The following CTNNA3 variants were observed in gnomAD, a reference collection of about 807,000 sequenced individuals.
CTNNA3 encodes catenin alpha-3.
Under a neutral mutation model 95.7 loss-of-function variants are expected in CTNNA3, and 76 were observed. The ratio of observed to expected loss-of-function variants is 0.79; its 90% CI spans 0.66 to 0.96. CTNNA3 has a LOEUF of 0.96. CTNNA3 is among the 40% of genes least tolerant of loss of function. The pLI, the probability that CTNNA3 is intolerant of heterozygous loss-of-function variation, is 0.00. For missense variants in CTNNA3, 1,191 were observed against 1,089.8 expected (o/e 1.09, Z -1.31); for synonymous variants, 431 against 374.4 (o/e 1.15, Z -1.74).
intron 5 of CTNNA3, among the ~76,000 whole-genome samples, chr10:67,349,874 T>C (rs531678888): frequency 1.5e-4 from 23 of 152,182 alleles, no homozygotes; most frequent in African/African-American, 5.1e-4. Flanking sequence ...TCAACACTCA[T>C]ACTCAGACAT....
Position 66,129,499 on chromosome 10 carries a change from T to C in CTNNA3, c.1885-26250A>G, listed in dbSNP as rs560633169. ...AGCATGGCCAGGGACACCCATCACC[T>C]TAAGCTCGACTTGCTTCCATAGGAG... On this transcript the variant is annotated intron_variant, in intron 13 of 17. Transcript: ENST00000433211. 2.0e-5 allele frequency among the ~76,000 whole-genome samples: 3 copies of C among 152,276 alleles called. No individual in the cohort carries two copies. The South Asian group carries it at 6.2e-4, about 32-fold the overall frequency.
At chr10:66,219,100 C>T (rs951190654) in intron 13 of CTNNA3, among the ~76,000 whole-genome samples, 4 of 152,118 alleles carry the variant, frequency 2.6e-5, no homozygotes, top group Non-Finnish European at 5.9e-5. Flanking sequence ...TCAAGATAAA[C>T]GTACTGGAGC....
intron 5 of CTNNA3, among the ~76,000 whole-genome samples, chr10:67,295,680 A>G (rs948415184): frequency 3.3e-5 from 5 of 152,224 alleles, no homozygotes; most frequent in Non-Finnish European, 4.4e-5. Context: ...AATCAATAAA[A>G]TCAGGCAGTA....
intron 7 of CTNNA3, among the ~76,000 whole-genome samples, chr10:67,023,563 C>A (rs1853163352): frequency 6.6e-6 from 1 of 152,102 alleles, no homozygotes; most frequent in African/African-American, 2.4e-5. Flanking sequence ...CATACCCAAG[C>A]AAAGTCTAAT....
chr10:66,424,868 T>A (rs1194355008), intron 11 of CTNNA3, among the ~76,000 whole-genome samples: 3 of 152,040 alleles, frequency 2.0e-5, no homozygotes, highest in Non-Finnish European at 2.9e-5. Flanking sequence ...ACTCAAATAT[T>A]CTATCATGAG....
intron 7 of CTNNA3, among the ~76,000 whole-genome samples, chr10:67,164,992 C>T (rs1312174537): frequency 6.6e-6 from 1 of 152,156 alleles, no homozygotes; most frequent in African/African-American, 2.4e-5. Context: ...CATAACCTAG[C>T]AATCACACTT....
chr10:66,210,007 C>A (rs1564768583), intron 13 of CTNNA3, among the ~76,000 whole-genome samples: 1 of 152,088 alleles, frequency 6.6e-6, no homozygotes, highest in Non-Finnish European at 1.5e-5. Flanking sequence ...GTGCTCCCTT[C>A]TGGCTCTCGG....
At chr10:67,661,865 T>G (rs1840200833) in intron 1 of CTNNA3, among the ~76,000 whole-genome samples, 3 of 152,106 alleles carry the variant, frequency 2.0e-5, no homozygotes, top group African/African-American at 7.2e-5. Context: ...ATGGCTAAAA[T>G]TTGAAAGATT....
chr10:66,500,750 C>A (rs2131963460), intron 11 of CTNNA3, among the ~76,000 whole-genome samples: 1 of 152,216 alleles, frequency 6.6e-6, no homozygotes, highest in Middle Eastern at 3.4e-3. Flanking sequence ...TGACCATTTT[C>A]CACATACAGT....
chr10:66,578,569 G>A (rs1423608088), intron 10 of CTNNA3, among the ~76,000 whole-genome samples: 1 of 152,026 alleles, frequency 6.6e-6, no homozygotes, highest in Admixed American at 6.6e-5. Flanking sequence ...TGCCTATTGA[G>A]ATAATGATGT....
intron 12 of CTNNA3, among the ~76,000 whole-genome samples, chr10:66,293,337 ACAAAACTGC>A (rs1231588865): frequency 6.6e-6 from 1 of 152,206 alleles, no homozygotes; most frequent in Non-Finnish European, 1.5e-5. Flanking sequence ...AGGCAGAATA[ACAAAACTGC>A]CAAAAGAGAA....
intron 7 of CTNNA3, among the ~76,000 whole-genome samples, chr10:66,967,577 GA>G (rs1160487523): frequency 6.6e-6 from 1 of 151,918 alleles, no homozygotes; most frequent in Non-Finnish European, 1.5e-5. Context: ...GTATGCAAAT[GA>G]TACAACCATA....
chr10:67,288,290 A>G (rs536291321), intron 5 of CTNNA3, among the ~76,000 whole-genome samples: 30 of 152,312 alleles, frequency 2.0e-4, no homozygotes, highest in African/African-American at 6.5e-4. Flanking sequence ...TTTGAGTCCC[A>G]ACAACAGAAG....
chr10:66,962,378 CTCT>C (rs1849156630), intron 7 of CTNNA3, among the ~76,000 whole-genome samples: 1 of 151,642 alleles, frequency 6.6e-6, no homozygotes, highest in African/African-American at 2.4e-5. Context: ...TCCTCAACTC[CTCT>C]AAGTTTTTTT....
chr10:66,505,103 A>T (rs1445730290), intron 11 of CTNNA3, among the ~76,000 whole-genome samples: 3 of 152,162 alleles, frequency 2.0e-5, no homozygotes, highest in Non-Finnish European at 4.4e-5. Flanking sequence ...ACTCCCAGTT[A>T]TGGCTTTTCT....
At chr10:67,517,659 T>C (rs991501473) in intron 5 of CTNNA3, among the ~76,000 whole-genome samples, 3 of 152,050 alleles carry the variant, frequency 2.0e-5, no homozygotes, top group African/African-American at 7.2e-5. Flanking sequence ...TGAACCTACT[T>C]CCCCCAAGAG....
chr10:67,093,949 T>C (rs543636996), intron 7 of CTNNA3, among the ~76,000 whole-genome samples: 2 of 152,054 alleles, frequency 1.3e-5, no homozygotes, highest in Admixed American at 1.3e-4. Flanking sequence ...CTTAAGGCAA[T>C]ACCGTGATGT....
At chr10:67,203,292 G>A (rs893092178) in intron 6 of CTNNA3, among the ~76,000 whole-genome samples, 1 of 152,124 alleles carries the variant, frequency 6.6e-6, no homozygotes, top group Non-Finnish European at 1.5e-5. Context: ...TTATAAAAGG[G>A]AGTTCCCGTG....
chr10:67,135,506 A>G lies in CTNNA3; in HGVS notation c.1047+44811T>C, dbSNP rs555871046. 2.6e-5 allele frequency among the ~76,000 whole-genome samples: 4 copies of G among 152,188 alleles called. No homozygotes were observed. In the South Asian group the frequency reaches 8.3e-4, roughly 32 times the overall value. On this transcript the variant is annotated intron_variant, in intron 7 of 17. Transcript: ENST00000433211. ...AGTGAGACCTCATCTCTACTAAAAA[A>G]TTAAAATAAAATAAAATAATTAAAG...
Sources: allele counts gnomAD v4.1 joint callset (sites outside exome capture counted in the v4.1 genomes callset), GRCh38; gene constraint gnomAD v4.1.1; transcripts MANE v1.5; gene names NCBI Gene and HGNC (gene_info 2026-07-23, HGNC 2026-07-21).